The following TIAM1 variants were observed in gnomAD, a reference collection of about 807,000 sequenced individuals.
TIAM1 encodes TIAM Rac1 associated GEF 1.
A neutral mutation model predicts 163.5 loss-of-function variants in TIAM1; 65 were observed. The ratio of observed to expected loss-of-function variants is 0.40; its 90% confidence interval spans 0.33 to 0.49. The LOEUF is 0.49. Ranked by LOEUF, TIAM1 falls within the 20% of genes least tolerant of loss-of-function variation. TIAM1 has a pLI of 0.77. For synonymous variants in TIAM1, 833 were observed against 810.1 expected (o/e 1.03, Z -0.48); for missense variants, 1,789 against 2,044.7 (o/e 0.87, Z 2.41).
rs1176611959 is a variant in TIAM1 at position 31,213,487 on chromosome 21, G to A, written c.2143-15C>T. The A allele has an allele frequency of 6.2e-7, 1 of 1,612,992 alleles. No homozygotes were observed. The highest frequency in any genetic ancestry group is 8.5e-7 in the Non-Finnish European group (1 of 1,179,408). ...TCTCCAAACACCTGCATATACAAAA[G>A]TACCACCTTAAAAAGGAATCTGGGC... On this transcript the variant is annotated splice_polypyrimidine_tract_variant and intron_variant, in intron 9 of 27. Coordinates refer to ENST00000541036, the MANE Select transcript of TIAM1 (RefSeq NM_001353694.2).
At chr21:31,301,068 C>T (rs938018726) in intron 2 of TIAM1, among the ~76,000 whole-genome samples, 6 of 152,146 alleles carry the variant, frequency 3.9e-5, no homozygotes, top group African/African-American at 7.2e-5. Context: ...ATTTTGGAGC[C>T]GAGTGAGATT....
chr21:31,241,343 G>C (rs767575701), intron 6 of TIAM1, among the ~76,000 whole-genome samples: 10 of 152,022 alleles, frequency 6.6e-5, no homozygotes, highest in Non-Finnish European at 1.3e-4. Flanking sequence ...CAGAGATGAA[G>C]GCTAAGGCAG....
intron 1 of TIAM1, among the ~76,000 whole-genome samples, chr21:31,501,791 C>T (rs538387388): frequency 6.6e-6 from 1 of 152,230 alleles, no homozygotes; most frequent in Non-Finnish European, 1.5e-5. Context: ...TTAGTAGAGA[C>T]GGAGTTTCAC....
intron 1 of TIAM1, among the ~76,000 whole-genome samples, chr21:31,464,592 T>C (rs62221261): frequency 0.24 from 36,310 of 149,908 alleles, 4,449 homozygotes; most frequent in South Asian, 0.29. Context: ...CCTGTAATCC[T>C]AGCACTTTGG....
rs996405487 is a variant in TIAM1 at position 31,448,422 on chromosome 21, T to C, written c.-369+15561A>G. On this transcript the variant is annotated intron_variant, in intron 2 of 28. Coordinates refer to the TIAM1 transcript ENST00000286827. Reference sequence around the variant, plus strand: ...GAGTTCGAGACCAGTCTGGCCAACATGGCAAAACCCCATCTCTATTAAAAT... The same window carrying C: ...GAGTTCGAGACCAGTCTGGCCAACACGGCAAAACCCCATCTCTATTAAAAT... Among the ~76,000 whole-genome samples, 3 of 152,010 alleles carry C rather than the reference T, an allele frequency of 2.0e-5. No homozygotes were observed. In the East Asian group the frequency reaches 5.8e-4, roughly 29 times the overall value.
At chr21:31,240,874 C>CTG (rs1336909675) in intron 6 of TIAM1, among the ~76,000 whole-genome samples, 1 of 152,186 alleles carries the variant, frequency 6.6e-6, no homozygotes, top group Non-Finnish European at 1.5e-5. Context: ...TACGGTTTGG[C>CTG]TGTGTCCCCA....
Position 31,217,662 on chromosome 21 carries a change from C to T in TIAM1, c.2033G>A (p.Arg678His), listed in dbSNP as rs139463096. 3.7e-5 allele frequency: 59 copies of T among 1,613,744 alleles called. No homozygotes were observed. In the African/African-American group the frequency reaches 4.7e-4, roughly 13 times the overall value. The change falls in exon 9 of 28, where the codon CGT becomes CAT. Residue 678 changes from arginine (R) to histidine (H), a missense_variant. Transcript: ENST00000541036. ...CGCGGATCTGGACATGGCCTGAGTACGTCTTCTCACTCCAGTTTCACCAGT... is the reference window on the plus strand; with the variant it reads ...CGCGGATCTGGACATGGCCTGAGTATGTCTTCTCACTCCAGTTTCACCAGT... ...ARTGETGVRR[R>H]TQAMSRSASK...
intron 2 of TIAM1, among the ~76,000 whole-genome samples, chr21:31,379,353 C>T (rs150731011): frequency 7.4e-4 from 113 of 152,250 alleles, no homozygotes; most frequent in African/African-American, 2.5e-3. Flanking sequence ...CAATTCCCCA[C>T]GAATACCAAG....
intron 1 of TIAM1, among the ~76,000 whole-genome samples, chr21:31,522,359 A>G (rs1250511603): frequency 6.6e-6 from 1 of 151,320 alleles, no homozygotes; most frequent in African/African-American, 2.4e-5. Flanking sequence ...ATACAAAAAA[A>G]CTCAGCCAGG....
chr21:31,330,264 C>A (rs1318409775), intron 2 of TIAM1, among the ~76,000 whole-genome samples: 1 of 152,186 alleles, frequency 6.6e-6, no homozygotes, highest in Non-Finnish European at 1.5e-5. Flanking sequence ...TCATGACTAG[C>A]TCATTTCTTT....
intron 1 of TIAM1, among the ~76,000 whole-genome samples, chr21:31,522,805 A>G (rs1431551414): frequency 6.6e-6 from 1 of 152,240 alleles, no homozygotes; most frequent in Non-Finnish European, 1.5e-5. Context: ...AGTGATGACC[A>G]GGAAGTTTCT....
chr21:31,245,375 A>T (rs909851570), intron 6 of TIAM1, 113 bp downstream of exon 6: 9,651 of 300,434 alleles, frequency 0.032, 23 homozygotes, highest in East Asian at 0.16. Flanking sequence ...TCACCACTAA[A>T]AAAAAAAAAA....
At chr21:31,306,170 G>A (rs1442357717) in intron 2 of TIAM1, among the ~76,000 whole-genome samples, 1 of 151,958 alleles carries the variant, frequency 6.6e-6, no homozygotes, top group African/African-American at 2.4e-5. Context: ...TGTAGTCCCA[G>A]CTATTTAAGA....
intron 2 of TIAM1, among the ~76,000 whole-genome samples, chr21:31,429,183 G>A (rs1267231864): frequency 1.3e-5 from 2 of 151,956 alleles, no homozygotes; most frequent in African/African-American, 4.8e-5. Flanking sequence ...TGTATTTTTT[G>A]TAGAGACAGG....
rs536154384 is a variant in TIAM1 at position 31,155,803 on chromosome 21, G to A, written c.2992-1377C>T. ...GGCGTGAGCCACCGCGCCCGGCCCCGGAAATTTTCTTGAAGCTAGTGGCTG... is the reference window on the plus strand; with the variant it reads ...GGCGTGAGCCACCGCGCCCGGCCCCAGAAATTTTCTTGAAGCTAGTGGCTG... On this transcript the variant is annotated intron_variant, in intron 16 of 27. Coordinates refer to ENST00000541036, the MANE Select transcript of TIAM1 (RefSeq NM_001353694.2). 2.7e-4 allele frequency among the ~76,000 whole-genome samples: 41 copies of A among 152,188 alleles called. 1 individual carries two copies. In the South Asian group the frequency reaches 4.8e-3, roughly 18 times the overall value.
intron 2 of TIAM1, among the ~76,000 whole-genome samples, chr21:31,299,014 C>G (rs1211175813): frequency 6.6e-6 from 1 of 152,090 alleles, no homozygotes; most frequent in Non-Finnish European, 1.5e-5. Flanking sequence ...AACAACAATA[C>G]TTAGATTTGG....
At chr21:31,463,917 C>G (rs2045427943) in intron 2 of TIAM1, 1 of 152,108 alleles carries the variant, frequency 6.6e-6, no homozygotes, top group Admixed American at 6.6e-5. Flanking sequence ...TTCACATACC[C>G]TTGATGCCCC....
chr21:31,359,170 T>C (rs17650501), intron 2 of TIAM1, among the ~76,000 whole-genome samples: 4,816 of 152,342 alleles, frequency 0.032, 118 homozygotes, highest in Middle Eastern at 0.051. Flanking sequence ...TACTTTGCTT[T>C]TTTAAAATAT....
intron 19 of TIAM1, among the ~76,000 whole-genome samples, chr21:31,149,220 G>C (rs1286715207): frequency 6.6e-6 from 1 of 152,206 alleles, no homozygotes; most frequent in African/African-American, 2.4e-5. Flanking sequence ...TGATGGTTGA[G>C]TATGGAAGTA....
Sources: gnomAD v4.1 joint callset for allele counts (sites outside exome capture counted in the v4.1 genomes callset) on GRCh38, gnomAD v4.1.1 for gene constraint, MANE v1.5 for transcripts, NCBI Gene and HGNC (gene_info 2026-07-23, HGNC 2026-07-21) for gene names.